NLGN1: variants seen among roughly 807,000 people sequenced by gnomAD.
The protein encoded by NLGN1 is neuroligin 1, also known as neuroligin-1.
A neutral mutation model predicts 65.5 loss-of-function variants in NLGN1; 12 were observed. The ratio of observed to expected loss-of-function variants is 0.18; its 90% CI spans 0.12 to 0.30. The LOEUF is 0.30. Among genes scored for constraint, NLGN1 ranks in the 10% least tolerant of loss-of-function variants. NLGN1 has a pLI of 1.00. For synonymous variants in NLGN1, 350 were observed against 359.5 expected, an observed-to-expected ratio of 0.97 and a Z score of 0.30; for missense variants, 750 against 1,007.1, an observed-to-expected ratio of 0.74 and a Z score of 3.46.
chr3:174,231,245 C>T (rs1271172446), intron 4 of NLGN1, among the ~76,000 whole-genome samples: 5 of 152,130 alleles, frequency 3.3e-5, no homozygotes, highest in African/African-American at 7.2e-5. Context: ...GAATGATTTG[C>T]GAATCGGAGA....
chr3:174,234,463 T>C (rs1009534589), intron 4 of NLGN1, among the ~76,000 whole-genome samples: 5 of 152,166 alleles, frequency 3.3e-5, no homozygotes, highest in African/African-American at 9.7e-5. Context: ...CGTTCTTTCC[T>C]TACCATCCAG....
chr3:173,754,363 C>G (rs189639378), intron 3 of NLGN1, among the ~76,000 whole-genome samples: 1 of 152,142 alleles, frequency 6.6e-6, no homozygotes, highest in East Asian at 1.9e-4. Context: ...CTTAAAATGT[C>G]CTCATATTGG....
At chr3:173,696,534 T>A (rs1766246216) in intron 3 of NLGN1, among the ~76,000 whole-genome samples, 1 of 152,100 alleles carries the variant, frequency 6.6e-6, no homozygotes, top group South Asian at 2.1e-4. Context: ...AATAATGAAA[T>A]CATTCTGAAC....
chr3:174,237,297 A>G lies in NLGN1; in HGVS notation c.647-38018A>G, dbSNP rs559832506. Among the ~76,000 whole-genome samples the G allele has an allele frequency of 9.2e-5, 14 of 152,288 alleles. No individual in the cohort carries two copies. In the South Asian group the frequency reaches 2.9e-3, roughly 32 times the overall value. ...TACAGCTTACACAGATTCTATTCCAATATTACATTTTGTTTTGTTCATTTG... is the reference window on the plus strand; with the variant it reads ...TACAGCTTACACAGATTCTATTCCAGTATTACATTTTGTTTTGTTCATTTG... On this transcript the variant is annotated intron_variant, in intron 4 of 6. Coordinates refer to ENST00000457714, the Ensembl canonical transcript of NLGN1.
intron 2 of NLGN1, among the ~76,000 whole-genome samples, chr3:173,582,416 C>T (rs76787028): frequency 0.013 from 1,935 of 152,110 alleles, 44 homozygotes; most frequent in East Asian, 0.11. Context: ...TGAACTTGTA[C>T]TATCATATAC....
chr3:173,849,784 G>C (rs13059513), intron 4 of NLGN1, among the ~76,000 whole-genome samples: 28,237 of 151,944 alleles, frequency 0.19, 3,105 homozygotes, highest in East Asian at 0.37. Flanking sequence ...CAGAGCAGAT[G>C]ACTTCATGTT....
chr3:173,701,148 A>AT (rs1425450179), intron 3 of NLGN1, among the ~76,000 whole-genome samples: 3 of 152,176 alleles, frequency 2.0e-5, no homozygotes, highest in African/African-American at 7.2e-5. Context: ...GTGCCGGAAA[A>AT]TGCTGTTGAA....
At chr3:173,935,622 A>ACTCTCTCTCTCTCT (rs72137673) in intron 4 of NLGN1, among the ~76,000 whole-genome samples, 3 of 108,008 alleles carry the variant, frequency 2.8e-5, no homozygotes, top group African/African-American at 1.1e-4. Context: ...ACACACACAC[A>ACTCTCTCTCTCTCT]CTCTCTCTCT....
chr3:173,948,169 G>A (rs1365597069), intron 4 of NLGN1, among the ~76,000 whole-genome samples: 1 of 152,134 alleles, frequency 6.6e-6, no homozygotes, highest in Non-Finnish European at 1.5e-5. Flanking sequence ...TTCCTTTTTA[G>A]AGTTGGTTGG....
chr3:174,113,901 T>C (rs1427009063), intron 4 of NLGN1, among the ~76,000 whole-genome samples: 4 of 152,168 alleles, frequency 2.6e-5, no homozygotes, highest in Non-Finnish European at 4.4e-5. Flanking sequence ...GCTCTTTTTA[T>C]AGTTACGACG....
chr3:173,706,972 A>G (rs13098487), intron 3 of NLGN1, among the ~76,000 whole-genome samples: 30,417 of 152,196 alleles, frequency 0.2, 3,220 homozygotes, highest in Admixed American at 0.24. Flanking sequence ...CTACCAAGTC[A>G]CAGCCATTTT....
At chr3:173,800,697 G>C (rs376823152) in intron 3 of NLGN1, among the ~76,000 whole-genome samples, 7 of 150,464 alleles carry the variant, frequency 4.7e-5, no homozygotes, top group East Asian at 2.0e-4. Context: ...TAGTCTCTCT[G>C]TGCCCATTTT....
intron 3 of NLGN1, among the ~76,000 whole-genome samples, chr3:173,683,731 A>G (rs1764291781): frequency 2.0e-5 from 3 of 152,218 alleles, no homozygotes. Context: ...CAAATAAGAT[A>G]ATGTATATGA....
intron 4 of NLGN1, among the ~76,000 whole-genome samples, chr3:173,874,973 G>A (rs1731848794): frequency 1.3e-5 from 2 of 152,080 alleles, no homozygotes; most frequent in Admixed American, 1.3e-4. Context: ...TGAAGATGTG[G>A]GCTACAGGCT....
At chr3:174,214,906 A>G (rs1228540686) in intron 4 of NLGN1, among the ~76,000 whole-genome samples, 2 of 152,088 alleles carry the variant, frequency 1.3e-5, no homozygotes, top group African/African-American at 4.8e-5. Context: ...TCTAAAATTT[A>G]CCTGAAGCAA....
intron 2 of NLGN1, among the ~76,000 whole-genome samples, chr3:173,516,796 G>C (rs867922259): frequency 7.8e-4 from 119 of 152,122 alleles, no homozygotes; most frequent in African/African-American, 2.7e-3. Context: ...CTTAGGAAGT[G>C]AAAGAGTATT....
chr3:173,743,906 A>G (rs1234517544), intron 3 of NLGN1, among the ~76,000 whole-genome samples: 1 of 152,156 alleles, frequency 6.6e-6, no homozygotes, highest in Non-Finnish European at 1.5e-5. Flanking sequence ...AAAACATGTC[A>G]GAGGAGGCAG....
chr3:174,051,498 T>C (rs1230962547), intron 4 of NLGN1, among the ~76,000 whole-genome samples: 1 of 152,054 alleles, frequency 6.6e-6, no homozygotes, highest in Non-Finnish European at 1.5e-5. Context: ...ATGAGGTAGA[T>C]TTCTTACAAT....
intron 4 of NLGN1, among the ~76,000 whole-genome samples, chr3:173,929,964 C>T (rs1743781065): frequency 6.6e-6 from 1 of 152,254 alleles, no homozygotes; most frequent in East Asian, 1.9e-4. Flanking sequence ...CTCAGCCTCC[C>T]AAGTTCTGGG....
Sources: allele counts gnomAD v4.1 joint callset (sites outside exome capture counted in the v4.1 genomes callset), GRCh38; gene constraint gnomAD v4.1.1; transcripts MANE v1.5; gene names NCBI Gene and HGNC (gene_info 2026-07-23, HGNC 2026-07-21).